Variants in BABAM2 observed in about 807,000 individuals in gnomAD.
The protein encoded by BABAM2 is BRISC and BRCA1 A complex member 2.
A neutral mutation model predicts 54.7 loss-of-function variants in BABAM2; 31 were observed. That is an observed-to-expected ratio of 0.57 (90% CI 0.43 to 0.77). The LOEUF (loss-of-function observed/expected upper bound fraction) is 0.77, where lower values mean the gene tolerates loss of function less well. Ranked by LOEUF, BABAM2 falls within the 30% of genes least tolerant of loss-of-function variation. The probability of loss-of-function intolerance (pLI) is 0.00; values close to 1 mark genes in which losing one functional copy is unlikely to be tolerated. For synonymous variants in BABAM2, 167 were observed against 162.9 expected, an observed-to-expected ratio of 1.03 and a Z score of -0.19; for missense variants, 364 against 455.8, an observed-to-expected ratio of 0.80 and a Z score of 1.83.
chr2:28,241,789 A>G (rs926654604), intron 9 of BABAM2, among the ~76,000 whole-genome samples: 1 of 150,618 alleles, frequency 6.6e-6, no homozygotes, highest in East Asian at 2.0e-4. Flanking sequence ...CACCACACCC[A>G]GCCCCACATG....
At chr2:28,019,273 C>T (rs1675080551) in intron 4 of BABAM2, among the ~76,000 whole-genome samples, 1 of 152,086 alleles carries the variant, frequency 6.6e-6, no homozygotes, top group Non-Finnish European at 1.5e-5. Context: ...GGATTGGTTC[C>T]AAGTCTTTGC....
At chr2:28,098,304 A>T (rs1008611186) in intron 6 of BABAM2, among the ~76,000 whole-genome samples, 1 of 152,180 alleles carries the variant, frequency 6.6e-6, no homozygotes, top group African/African-American at 2.4e-5. Context: ...TTTTTGTCAG[A>T]ATTATAAATG....
At chr2:28,216,222 G>A (rs1432996998) in intron 7 of BABAM2, among the ~76,000 whole-genome samples, 1 of 152,204 alleles carries the variant, frequency 6.6e-6, no homozygotes, top group African/African-American at 2.4e-5. Context: ...CAGTGCAAAT[G>A]TACAGTATTT....
chr2:28,013,665 T>TAAA (rs55636414), intron 4 of BABAM2, among the ~76,000 whole-genome samples: 8 of 58,058 alleles, frequency 1.4e-4, no homozygotes, highest in African/African-American at 2.6e-4. Context: ...GTCCAGCAAG[T>TAAA]AAAAAAAAAA....
intron 5 of BABAM2, among the ~76,000 whole-genome samples, chr2:28,042,849 C>T (rs1275494170): frequency 3.3e-5 from 5 of 151,712 alleles, no homozygotes. Flanking sequence ...ATGGTGAAAC[C>T]CCGTCTCTAC....
chr2:28,315,456 C>CT (rs1201345264), intron 11 of BABAM2, among the ~76,000 whole-genome samples: 1 of 127,284 alleles, frequency 7.9e-6, no homozygotes, highest in African/African-American at 3.0e-5. Context: ...CTTTTCTTTT[C>CT]TTTTCTTTTC....
chr2:28,305,192 G>A (rs987796973), intron 11 of BABAM2, among the ~76,000 whole-genome samples: 3 of 152,132 alleles, frequency 2.0e-5, no homozygotes, highest in African/African-American at 4.8e-5. Context: ...TCACGTTAAA[G>A]AAATTCTTGT....
intron 4 of BABAM2, among the ~76,000 whole-genome samples, chr2:28,011,494 A>C (rs1480359871): frequency 6.6e-6 from 1 of 152,192 alleles, no homozygotes; most frequent in Non-Finnish European, 1.5e-5. Context: ...CACTGGCCAG[A>C]AAAGCCTATA....
At chr2:28,171,409 C>T (rs908767273) in intron 7 of BABAM2, among the ~76,000 whole-genome samples, 5 of 152,094 alleles carry the variant, frequency 3.3e-5, no homozygotes, top group African/African-American at 1.2e-4. Flanking sequence ...GAATGGTTAG[C>T]GACCCACTAC....
intron 7 of BABAM2, among the ~76,000 whole-genome samples, chr2:28,158,270 A>G (rs1042165680): frequency 1.3e-5 from 2 of 152,248 alleles, no homozygotes; most frequent in African/African-American, 2.4e-5. Flanking sequence ...CAAAATGTTT[A>G]TATCAGGTTT....
chr2:27,896,380 T>G (rs1665325573), intron 2 of BABAM2: 1 of 158,056 alleles, frequency 6.3e-6, no homozygotes, highest in African/African-American at 2.4e-5. Context: ...CAGCCTAGAT[T>G]CCAGGTGGTA....
chr2:28,249,510 C>T (rs144918961), intron 10 of BABAM2, among the ~76,000 whole-genome samples: 120 of 152,234 alleles, frequency 7.9e-4, no homozygotes, highest in African/African-American at 2.7e-3. Context: ...CAGAAGTTTG[C>T]CAACTTCTTG....
At chr2:28,033,013 T>C (rs1676410302) in intron 5 of BABAM2, among the ~76,000 whole-genome samples, 1 of 152,148 alleles carries the variant, frequency 6.6e-6, no homozygotes, top group African/African-American at 2.4e-5. Flanking sequence ...GTAATCACTA[T>C]TGAAATCAAG....
intron 4 of BABAM2, chr2:28,016,566 C>T: frequency 1.7e-6 from 1 of 578,166 alleles, no homozygotes; most frequent in Non-Finnish European, 3.2e-6. Flanking sequence ...AGGTGCATTT[C>T]TTTCTAATTA....
At chr2:28,079,338 T>G (rs1664962002) in intron 6 of BABAM2, among the ~76,000 whole-genome samples, 1 of 152,152 alleles carries the variant, frequency 6.6e-6, no homozygotes, top group Non-Finnish European at 1.5e-5. Context: ...GATTAGACTA[T>G]TTCATCTAAG....
chr2:28,096,392 C>A (rs978910684), intron 6 of BABAM2, among the ~76,000 whole-genome samples: 6 of 145,412 alleles, frequency 4.1e-5, no homozygotes, highest in East Asian at 4.0e-4. Flanking sequence ...AAAAAAAAAA[C>A]CATATTAAGC....
chr2:28,215,058 A>G (rs1473385778), intron 7 of BABAM2, among the ~76,000 whole-genome samples: 2 of 152,104 alleles, frequency 1.3e-5, no homozygotes, highest in Non-Finnish European at 2.9e-5. Context: ...GTCAGTTTTC[A>G]CCATCTTTTT....
intron 6 of BABAM2, among the ~76,000 whole-genome samples, chr2:28,116,115 CAA>C (rs943748521): frequency 8.9e-5 from 11 of 123,554 alleles, no homozygotes; most frequent in Non-Finnish European, 1.0e-4. Flanking sequence ...AACTCCGTCT[CAA>C]AAAAAAAAAA....
At chr2:27,939,308 C>T (rs1332517869) in intron 3 of BABAM2, among the ~76,000 whole-genome samples, 1 of 152,150 alleles carries the variant, frequency 6.6e-6, no homozygotes, top group Non-Finnish European at 1.5e-5. Context: ...TTTACTAGAA[C>T]TTACAGTAAT....
Sources: allele counts gnomAD v4.1 joint callset (sites outside exome capture counted in the v4.1 genomes callset), GRCh38; gene constraint gnomAD v4.1.1; transcripts MANE v1.5; gene names NCBI Gene and HGNC (gene_info 2026-07-23, HGNC 2026-07-21).